Variants in ERBB4 observed in about 807,000 individuals in gnomAD.
ERBB4 encodes the protein erb-b2 receptor tyrosine kinase 4.
Under a neutral mutation model 158.0 loss-of-function variants are expected in ERBB4, and 42 were observed. The ratio of observed to expected loss-of-function variants is 0.27; its 90% confidence interval spans 0.21 to 0.34. ERBB4 has a LOEUF of 0.34. Among genes scored for constraint, ERBB4 ranks in the 10% least tolerant of loss-of-function variants. The pLI is 1.00. For synonymous variants in ERBB4, 583 were observed against 558.7 expected, an observed-to-expected ratio of 1.04 and a Z score of -0.61; for missense variants, 1,333 against 1,624.1, an observed-to-expected ratio of 0.82 and a Z score of 3.08.
rs114881394 is a variant in ERBB4, at chr2:211,482,570, C to T, written c.2488-51470G>A. The stretch of plus-strand genomic sequence containing the variant: ...GTATCTTATCAAAGATCAAAATGTA[C>T]ACAAAGAAGCAGAAAAATAAAAGCA... On this transcript the variant is annotated intron_variant, in intron 20 of 27. Transcript: ENST00000342788. Among the ~76,000 whole-genome samples the T allele has an allele frequency of 9.6e-3, 1,460 of 152,128 alleles. 37 individuals are homozygous for T. The highest frequency in any genetic ancestry group is 0.033 in the African/African-American group (1,359 of 41,506).
At chr2:211,944,703 T>G (rs558807014) in intron 3 of ERBB4, among the ~76,000 whole-genome samples, 12 of 152,100 alleles carry the variant, frequency 7.9e-5, no homozygotes, top group South Asian at 2.1e-4. Flanking sequence ...TTAATTAGAG[T>G]AGATCTTCTC....
At chr2:212,191,830 GT>G (rs1446773031) in intron 1 of ERBB4, among the ~76,000 whole-genome samples, 2 of 131,776 alleles carry the variant, frequency 1.5e-5, no homozygotes, top group East Asian at 2.2e-4. Context: ...TATGTTCTAT[GT>G]TATATATAAT....
intron 2 of ERBB4, among the ~76,000 whole-genome samples, chr2:212,035,529 C>T (rs188715188): frequency 3.3e-4 from 51 of 152,262 alleles, no homozygotes; most frequent in Admixed American, 1.4e-3. Flanking sequence ...AATCTTTGCG[C>T]TCTCTTCTGT....
At chr2:211,615,882 G>A (rs1345437712) in intron 19 of ERBB4, among the ~76,000 whole-genome samples, 1 of 152,072 alleles carries the variant, frequency 6.6e-6, no homozygotes, top group African/African-American at 2.4e-5. Flanking sequence ...GTGGAGAAAA[G>A]GGAGTCTAAT....
chr2:212,449,710 T>C (rs1475611516), intron 1 of ERBB4, among the ~76,000 whole-genome samples: 1 of 152,172 alleles, frequency 6.6e-6, no homozygotes, highest in Non-Finnish European at 1.5e-5. Flanking sequence ...AAGTATCAAA[T>C]TCTGTTCACT....
intron 20 of ERBB4, among the ~76,000 whole-genome samples, chr2:211,524,910 G>T (rs1288065893): frequency 6.6e-6 from 1 of 152,192 alleles, no homozygotes; most frequent in African/African-American, 2.4e-5. Flanking sequence ...AGCGAGGGCT[G>T]TAAGGACTGC....
intron 3 of ERBB4, among the ~76,000 whole-genome samples, chr2:211,827,721 T>A (rs956412622): frequency 6.6e-6 from 1 of 152,130 alleles, no homozygotes; most frequent in Non-Finnish European, 1.5e-5. Context: ...AGAATAAATC[T>A]AGACTTTATA....
rs1575610502 is a variant in ERBB4 at position 212,084,740 on chromosome 2, T to C, written c.234+40012A>G. ...GAAAATAAATCTAACCTAGTTCACA[T>C]ATGTGTTAAAATAGAAAAGAGGAAC... On this transcript the variant is annotated intron_variant, in intron 2 of 27. Coordinates refer to ENST00000342788, the MANE Select transcript of ERBB4 (RefSeq NM_005235.3). Among the ~76,000 whole-genome samples the C allele has an allele frequency of 1.3e-5, 2 of 151,972 alleles. 1 individual carries two copies. The highest frequency in any genetic ancestry group is 3.8e-4 in the East Asian group (2 of 5,200).
chr2:212,376,335 A>G (rs1441614126), intron 1 of ERBB4, among the ~76,000 whole-genome samples: 1 of 152,120 alleles, frequency 6.6e-6, no homozygotes. Context: ...AAAGTGGACC[A>G]GTCAAGAGCA....
chr2:212,425,718 C>T (rs1326606399), intron 1 of ERBB4, among the ~76,000 whole-genome samples: 2 of 151,930 alleles, frequency 1.3e-5, no homozygotes, highest in Non-Finnish European at 2.9e-5. Flanking sequence ...ATCTTTATCA[C>T]TTCACTATTT....
At chr2:212,116,914 C>T (rs982560193) in intron 2 of ERBB4, among the ~76,000 whole-genome samples, 1 of 151,808 alleles carries the variant, frequency 6.6e-6, no homozygotes, top group African/African-American at 2.4e-5. Context: ...TTAAATGGTA[C>T]TTAACCTCTG....
At position 212,373,803 on chromosome 2, in the gene ERBB4, ATATATATCCATG is replaced by A. The variant is rs1224518958; in HGVS notation, c.82+164634_82+164645del. Among the ~76,000 whole-genome samples, 117 of 99,398 alleles carry A rather than the reference ATATATATCCATG, an allele frequency of 1.2e-3. 4 individuals carry two copies. The highest frequency in any genetic ancestry group is 1.6e-3 in the Non-Finnish European group (75 of 46,144). The allele number at this position is 99,398 out of a possible 152,430, so 65.2% of individuals were successfully genotyped here. A position where few individuals can be genotyped will look rare whatever the true frequency, so the allele number is the denominator to read the frequency against. On this transcript the variant is annotated intron_variant, in intron 1 of 27. Coordinates refer to ENST00000342788, the MANE Select transcript of ERBB4 (RefSeq NM_005235.3). ...TATATATCCACGTATATATATCCAT[ATATATATCCATG>A]TATATATCCATATATATATATATCC...
intron 2 of ERBB4, among the ~76,000 whole-genome samples, chr2:212,090,020 A>T (rs1215957719): frequency 7.9e-5 from 12 of 152,142 alleles, no homozygotes; most frequent in Non-Finnish European, 1.5e-4. Context: ...ATGAAGTATG[A>T]TTACTCAGCC....
chr2:211,562,168 CTGA>C, intron 19 of ERBB4, 80 bp from the exon 20 acceptor site: 1 of 1,214,532 alleles, frequency 8.2e-7, no homozygotes, highest in African/African-American at 1.5e-5. Context: ...ACTAATGGTG[CTGA>C]TGATTTTTAA....
intron 9 of ERBB4, among the ~76,000 whole-genome samples, 170 bp downstream of exon 9, chr2:211,711,880 T>C (rs2106079979): frequency 6.6e-6 from 1 of 152,280 alleles, no homozygotes; most frequent in Middle Eastern, 3.4e-3. Flanking sequence ...ATTCCAAAAC[T>C]AGTATACTGT....
At chr2:211,620,374 T>C (rs1451339493) in intron 18 of ERBB4, among the ~76,000 whole-genome samples, 1 of 152,188 alleles carries the variant, frequency 6.6e-6, no homozygotes, top group African/African-American at 2.4e-5. Flanking sequence ...CAGCTAGTTA[T>C]AGTCATAAAG....
In ERBB4 at chr2:212,047,900, T is replaced by TAAATA. The variant is rs1260081733; in HGVS notation, c.234+76847_234+76851dup. Among the ~76,000 whole-genome samples the TAAATA allele has an allele frequency of 2.6e-5, 4 of 152,236 alleles. No homozygotes were observed. The East Asian group carries it at 7.7e-4, about 29-fold the overall frequency. On this transcript the variant is annotated intron_variant, in intron 2 of 27. Transcript: ENST00000342788. ...ATAATAATCAGACAGTAAGCAAACG[T>TAAATA]AAATAAATAAAAAGCACATTGTGAT...
At chr2:212,058,936 G>T (rs1275574462) in intron 2 of ERBB4, among the ~76,000 whole-genome samples, 1 of 152,134 alleles carries the variant, frequency 6.6e-6, no homozygotes. Context: ...GGAAGTTCTG[G>T]CCAGGGCAAT....
chr2:211,607,865 AT>A (rs1553589856), intron 19 of ERBB4, among the ~76,000 whole-genome samples: 1,299 of 74,196 alleles, frequency 0.018, 18 homozygotes, highest in African/African-American at 0.049. Flanking sequence ...TTCGCATCAG[AT>A]TTTTTTTTTT....
Sources: gnomAD v4.1 joint callset for allele counts (sites outside exome capture counted in the v4.1 genomes callset) on GRCh38, gnomAD v4.1.1 for gene constraint, MANE v1.5 for transcripts, NCBI Gene and HGNC (gene_info 2026-07-23, HGNC 2026-07-21) for gene names.